Variants in DLG1 observed in about 807,000 individuals in gnomAD.
DLG1 encodes the protein discs large MAGUK scaffold protein 1.
Under a neutral mutation model 123.4 loss-of-function variants are expected in DLG1, and 42 were observed. That is an observed-to-expected ratio of 0.34 (90% CI 0.27 to 0.44). DLG1 has a LOEUF of 0.44. Among genes scored for constraint, DLG1 ranks in the 20% least tolerant of loss-of-function variants. The pLI, the probability that DLG1 is intolerant of heterozygous loss-of-function variation, is 1.00. For missense variants in DLG1, 942 were observed against 1,082.6 expected (o/e 0.87, Z 1.82); for synonymous variants, 317 against 356.2 (o/e 0.89, Z 1.24).
At chr3:197,049,850 C>G (rs1259828965) in intron 24 of DLG1, among the ~76,000 whole-genome samples, 1 of 152,100 alleles carries the variant, frequency 6.6e-6, no homozygotes, top group East Asian at 1.9e-4. Flanking sequence ...ATTGCTTGAG[C>G]CTAGGAGTTT....
Position 197,268,454 on chromosome 3 carries a change from C to T in DLG1, c.318+14225G>A, listed in dbSNP as rs578127633. Among the ~76,000 whole-genome samples the T allele has an allele frequency of 2.6e-5, 4 of 152,022 alleles. No individual in the cohort carries two copies. The East Asian group carries it at 7.7e-4, about 29-fold the overall frequency. ...CTTTTTTTGGAGACAGGGTCTTGAT[C>T]CGTCGCCCAGGCTGGAATGCAGTGG... On this transcript the variant is annotated intron_variant, in intron 4 of 24. Transcript: ENST00000667157.
At chr3:197,258,921 A>G (rs1758082552) in intron 4 of DLG1, among the ~76,000 whole-genome samples, 1 of 152,168 alleles carries the variant, frequency 6.6e-6, no homozygotes, top group East Asian at 1.9e-4. Context: ...TAACAGTTAT[A>G]TAATAAAAAT....
intron 11 of DLG1, among the ~76,000 whole-genome samples, chr3:197,123,907 G>A (rs1777679446): frequency 1.3e-5 from 2 of 152,182 alleles, no homozygotes; most frequent in African/African-American, 4.8e-5. Context: ...TGATCATTAA[G>A]CTAAATTCTT....
At chr3:197,154,472 G>A (rs1299080910) in intron 5 of DLG1, among the ~76,000 whole-genome samples, 1 of 151,860 alleles carries the variant, frequency 6.6e-6, no homozygotes, top group Non-Finnish European at 1.5e-5. Flanking sequence ...TCAGGAGATC[G>A]AGACCATCCT....
chr3:197,180,767 T>C lies in DLG1; in HGVS notation c.483+13658A>G, dbSNP rs577852029. The stretch of plus-strand genomic sequence containing the variant: ...GAAGAAAAGGCAGTGGAAAAGGAGA[T>C]GGGCTGCTGTGAAAAACCAAAGACA... On this transcript the variant is annotated intron_variant, in intron 5 of 24. Transcript: ENST00000667157. 2.0e-5 allele frequency among the ~76,000 whole-genome samples: 3 copies of C among 151,958 alleles called. No homozygotes were observed. In the East Asian group the frequency reaches 5.8e-4, roughly 29 times the overall value.
At chr3:197,290,396 C>T (rs1774242464) in intron 3 of DLG1, among the ~76,000 whole-genome samples, 2 of 152,176 alleles carry the variant, frequency 1.3e-5, no homozygotes, top group South Asian at 4.2e-4. Context: ...AGTGTCTCCC[C>T]CACATATTGC....
chr3:197,252,460 T>A (rs1754913956), intron 4 of DLG1, among the ~76,000 whole-genome samples: 1 of 152,218 alleles, frequency 6.6e-6, no homozygotes, highest in Non-Finnish European at 1.5e-5. Context: ...GAGGACATGA[T>A]GCTGAGTGAA....
intron 24 of DLG1, among the ~76,000 whole-genome samples, chr3:197,050,325 C>G (rs987030025): frequency 2.0e-5 from 3 of 150,488 alleles, no homozygotes; most frequent in Admixed American, 2.0e-4. Flanking sequence ...CGAGATTGCG[C>G]CACTGCACTC....
intron 11 of DLG1, among the ~76,000 whole-genome samples, chr3:197,121,168 C>T (rs187114623): frequency 4.6e-5 from 7 of 152,104 alleles, no homozygotes; most frequent in African/African-American, 1.4e-4. Context: ...GTCAATGCAT[C>T]CTTTCTGGGG....
intron 4 of DLG1, among the ~76,000 whole-genome samples, chr3:197,257,688 T>C (rs1035115581): frequency 6.6e-6 from 1 of 152,150 alleles, no homozygotes; most frequent in Non-Finnish European, 1.5e-5. Flanking sequence ...GTACTAAAGT[T>C]ACTCTCAGAA....
intron 5 of DLG1, among the ~76,000 whole-genome samples, chr3:197,182,257 T>C (rs963965102): frequency 6.6e-6 from 1 of 152,200 alleles, no homozygotes; most frequent in African/African-American, 2.4e-5. Flanking sequence ...ATATATGTAA[T>C]TGCAGTCAAA....
chr3:197,177,752 T>A (rs755967695), intron 5 of DLG1, among the ~76,000 whole-genome samples: 1 of 152,152 alleles, frequency 6.6e-6, no homozygotes, highest in Non-Finnish European at 1.5e-5. Context: ...TTGGTCTGAG[T>A]TATATAGTTA....
chr3:197,184,904 G>A (rs1714903457), intron 5 of DLG1, among the ~76,000 whole-genome samples: 1 of 152,088 alleles, frequency 6.6e-6, no homozygotes, highest in Non-Finnish European at 1.5e-5. Flanking sequence ...ATTGCCTGGG[G>A]CGCTAGTTAT....
At chr3:197,163,562 G>A (rs1345108472) in intron 5 of DLG1, among the ~76,000 whole-genome samples, 2 of 148,118 alleles carry the variant, frequency 1.4e-5, no homozygotes, top group African/African-American at 2.5e-5. Flanking sequence ...TCGCTCTGTT[G>A]CCCAGGCTGG....
At position 197,236,163 on chromosome 3, in the gene DLG1, A is replaced by G. The variant is rs548781691; in HGVS notation, c.319-41574T>C. On this transcript the variant is annotated intron_variant, in intron 4 of 24. Coordinates refer to ENST00000667157, the MANE Select transcript of DLG1 (RefSeq NM_001366207.1). ...ATCCCGTCTCTACAAAAAGTAAAAAATCAGCTGGGTGTGGTGGGGCATGCC... is the reference window on the plus strand; with the variant it reads ...ATCCCGTCTCTACAAAAAGTAAAAAGTCAGCTGGGTGTGGTGGGGCATGCC... Among the ~76,000 whole-genome samples, 4 of 152,200 alleles carry G rather than the reference A, an allele frequency of 2.6e-5. No homozygotes were observed. In the South Asian group the frequency reaches 8.3e-4, roughly 32 times the overall value.
intron 14 of DLG1, among the ~76,000 whole-genome samples, chr3:197,095,996 G>A (rs1406056262): frequency 6.6e-6 from 1 of 152,022 alleles, no homozygotes; most frequent in Admixed American, 6.6e-5. Flanking sequence ...GGAACCTGCC[G>A]TTTGTCAAAA....
chr3:197,254,354 C>T (rs1755865067), intron 4 of DLG1, among the ~76,000 whole-genome samples: 1 of 152,196 alleles, frequency 6.6e-6, no homozygotes, highest in Non-Finnish European at 1.5e-5. Flanking sequence ...CTCATGACAG[C>T]TGAAAACAGA....
At chr3:197,254,926 C>G (rs904788876) in intron 4 of DLG1, among the ~76,000 whole-genome samples, 1 of 151,780 alleles carries the variant, frequency 6.6e-6, no homozygotes, top group Admixed American at 6.6e-5. Context: ...CGTGGTGGCA[C>G]GTGCTTGTAA....
At chr3:197,240,659 G>A (rs74702810) in intron 4 of DLG1, among the ~76,000 whole-genome samples, 14 of 151,844 alleles carry the variant, frequency 9.2e-5, no homozygotes, top group Non-Finnish European at 1.9e-4. Flanking sequence ...AAATTTATCA[G>A]GAAATTTTAA....
Sources: allele counts gnomAD v4.1 joint callset (sites outside exome capture counted in the v4.1 genomes callset), GRCh38; gene constraint gnomAD v4.1.1; transcripts MANE v1.5; gene names NCBI Gene and HGNC (gene_info 2026-07-23, HGNC 2026-07-21).